The following RBFOX1 variants were observed in gnomAD, a reference collection of about 807,000 sequenced individuals.
RBFOX1 encodes the protein RNA binding protein fox-1 homolog 1.
A neutral mutation model predicts 57.7 loss-of-function variants in RBFOX1; 8 were observed. The observed-to-expected ratio is 0.14, with a 90% CI of 0.08 to 0.25. RBFOX1 has a LOEUF of 0.25. RBFOX1 is among the 10% of genes least tolerant of loss of function. RBFOX1 has a pLI of 1.00. For missense variants in RBFOX1, 611 were observed against 548.5 expected, an observed-to-expected ratio of 1.11 and a Z score of -1.14; for synonymous variants, 326 against 222.4, an observed-to-expected ratio of 1.47 and a Z score of -4.15.
chr16:6,163,259 G>A (rs569304393), intron 1 of RBFOX1, among the ~76,000 whole-genome samples: 3 of 152,302 alleles, frequency 2.0e-5, no homozygotes, highest in South Asian at 2.1e-4. Flanking sequence ...TGTTTCATAC[G>A]TTACTTTTGC....
chr16:6,824,400 TC>T (rs1489549859), intron 3 of RBFOX1, among the ~76,000 whole-genome samples: 1 of 152,170 alleles, frequency 6.6e-6, no homozygotes, highest in African/African-American at 2.4e-5. Flanking sequence ...AGAGCGAGAT[TC>T]CATGTCAAAG....
chr16:7,624,315 C>T (rs2059750541), intron 10 of RBFOX1, among the ~76,000 whole-genome samples: 1 of 152,122 alleles, frequency 6.6e-6, no homozygotes, highest in Non-Finnish European at 1.5e-5. Context: ...AGAATTTTGG[C>T]CAAAGCCATA....
At chr16:5,833,631 C>G (rs1327251864) in intron 3 of RBFOX1, among the ~76,000 whole-genome samples, 3 of 152,072 alleles carry the variant, frequency 2.0e-5, no homozygotes, top group Non-Finnish European at 4.4e-5. Flanking sequence ...TAGAGGGTCT[C>G]CTTAATTGAA....
intron 1 of RBFOX1, among the ~76,000 whole-genome samples, chr16:5,443,866 C>T (rs916859090): frequency 3.3e-5 from 5 of 152,072 alleles, no homozygotes; most frequent in Non-Finnish European, 5.9e-5. Context: ...TTTTTTTCCC[C>T]TTCTTTTTAA....
intron 4 of RBFOX1, among the ~76,000 whole-genome samples, chr16:7,458,193 C>G (rs775514739): frequency 6.6e-6 from 1 of 152,180 alleles, no homozygotes; most frequent in Non-Finnish European, 1.5e-5. Flanking sequence ...ATATGCATTA[C>G]AAAGACAGGG....
chr16:6,566,289 C>G (rs982595479), intron 2 of RBFOX1, among the ~76,000 whole-genome samples: 1 of 152,096 alleles, frequency 6.6e-6, no homozygotes, highest in East Asian at 1.9e-4. Flanking sequence ...TCATGGCGAA[C>G]AGCTATGCCT....
intron 4 of RBFOX1, among the ~76,000 whole-genome samples, chr16:7,345,675 G>A (rs183824356): frequency 1.4e-3 from 217 of 152,304 alleles, no homozygotes; most frequent in African/African-American, 4.8e-3. Flanking sequence ...TGCTGCCGGT[G>A]ATGGAGCCGT....
chr16:6,322,638 A>G (rs1229163110), intron 2 of RBFOX1, among the ~76,000 whole-genome samples: 1 of 152,226 alleles, frequency 6.6e-6, no homozygotes, highest in African/African-American at 2.4e-5. Context: ...TGGAACAGGC[A>G]GGAGTGGAAC....
At chr16:5,714,578 G>C (rs1417153312) in intron 3 of RBFOX1, among the ~76,000 whole-genome samples, 1 of 152,214 alleles carries the variant, frequency 6.6e-6, no homozygotes, top group Non-Finnish European at 1.5e-5. Flanking sequence ...ATGTCACTGA[G>C]GTTGTGGTGT....
intron 3 of RBFOX1, among the ~76,000 whole-genome samples, chr16:6,716,319 TA>T (rs1603452698): frequency 6.6e-6 from 1 of 152,182 alleles, no homozygotes; most frequent in East Asian, 1.9e-4. Flanking sequence ...TTCTGTGGGG[TA>T]TTTTCCATGA....
At chr16:7,226,191 C>G (rs371817759) in intron 4 of RBFOX1, among the ~76,000 whole-genome samples, 1 of 152,186 alleles carries the variant, frequency 6.6e-6, no homozygotes, top group African/African-American at 2.4e-5. Flanking sequence ...CTCTCAGGTA[C>G]CCTGTGCACA....
intron 3 of RBFOX1, among the ~76,000 whole-genome samples, chr16:5,751,275 C>T (rs2053189664): frequency 3.3e-5 from 5 of 152,156 alleles, no homozygotes; most frequent in Admixed American, 6.5e-5. Flanking sequence ...CTAAACTTCA[C>T]TGATTCTGGG....
chr16:6,567,670 C>G (rs1567711505), intron 2 of RBFOX1, among the ~76,000 whole-genome samples: 1 of 152,136 alleles, frequency 6.6e-6, no homozygotes, highest in Non-Finnish European at 1.5e-5. Context: ...GCCTGGCACC[C>G]AGTAGATATT....
chr16:6,015,433 G>A (rs2094987548), upstream of RBFOX1, among the ~76,000 whole-genome samples: 1 of 152,180 alleles, frequency 6.6e-6, no homozygotes, highest in Admixed American at 6.5e-5. Context: ...TGGTAATGGT[G>A]CATCTTGAAA....
At chr16:6,862,848 G>A (rs1026297828) in intron 3 of RBFOX1, among the ~76,000 whole-genome samples, 2 of 151,824 alleles carry the variant, frequency 1.3e-5, no homozygotes, top group Admixed American at 1.3e-4. Context: ...AGCCAGTCAT[G>A]GTGGCCGGCA....
intron 4 of RBFOX1, among the ~76,000 whole-genome samples, chr16:7,116,286 A>T (rs150247952): frequency 6.6e-6 from 1 of 152,276 alleles, no homozygotes; most frequent in African/African-American, 2.4e-5. Flanking sequence ...GAGCTGCTCT[A>T]TCTGCCTCTG....
At chr16:5,832,055 C>T (rs1031628738) in intron 3 of RBFOX1, among the ~76,000 whole-genome samples, 1 of 152,112 alleles carries the variant, frequency 6.6e-6, no homozygotes, top group African/African-American at 2.4e-5. Flanking sequence ...AGCATCAGAC[C>T]ATGATTCAGG....
In RBFOX1 at chr16:6,235,633, C is replaced by CAT. The variant is rs1213213874; in HGVS notation, c.-126-81352_-126-81351dup. Among the ~76,000 whole-genome samples the CAT allele has an allele frequency of 1.1e-4, 17 of 148,150 alleles. 1 individual carries two copies. Among genetic ancestry groups the CAT allele is most frequent in the South Asian group, 6.4e-4 (3 of 4,710 alleles). ...ATATTTATACATATATATATACTTA[C>CAT]ATATATATATACACATATGTATATG... On this transcript the variant is annotated intron_variant, in intron 1 of 15. Transcript: ENST00000550418.
At chr16:5,843,301 C>T (rs953678281) in intron 3 of RBFOX1, among the ~76,000 whole-genome samples, 3 of 152,200 alleles carry the variant, frequency 2.0e-5, no homozygotes, top group East Asian at 3.9e-4. Flanking sequence ...ACCCTTCACC[C>T]TTAAGTAGGC....
Sources: gnomAD v4.1 joint callset for allele counts (sites outside exome capture counted in the v4.1 genomes callset) on GRCh38, gnomAD v4.1.1 for gene constraint, MANE v1.5 for transcripts, NCBI Gene and HGNC (gene_info 2026-07-23, HGNC 2026-07-21) for gene names.